ERC2: variants seen among roughly 807,000 people sequenced by gnomAD.
The protein encoded by ERC2 is ELKS/RAB6-interacting/CAST family member 2.
A neutral mutation model predicts 114.8 loss-of-function variants in ERC2; 42 were observed. That is an observed-to-expected ratio of 0.37 (90% CI 0.29 to 0.47). ERC2 has a LOEUF of 0.47. ERC2 is among the 20% of genes least tolerant of loss of function. ERC2 has a pLI of 0.99. For synonymous variants in ERC2, 454 were observed against 425.5 expected (o/e 1.07, Z -0.82); for missense variants, 939 against 1,150.7 (o/e 0.82, Z 2.66).
At chr3:55,714,030 T>G (rs2063936108) in intron 15 of ERC2, among the ~76,000 whole-genome samples, 1 of 152,234 alleles carries the variant, frequency 6.6e-6, no homozygotes, top group Non-Finnish European at 1.5e-5. Flanking sequence ...TATTCTCATT[T>G]CATAAGACAT....
intron 13 of ERC2, among the ~76,000 whole-genome samples, chr3:55,942,532 C>T (rs1457575403): frequency 6.6e-6 from 1 of 150,854 alleles, no homozygotes; most frequent in Non-Finnish European, 1.5e-5. Context: ...CTCCTGACCT[C>T]GTGATCCGCC....
At chr3:56,117,267 T>C (rs1048399621) in intron 6 of ERC2, among the ~76,000 whole-genome samples, 1 of 152,226 alleles carries the variant, frequency 6.6e-6, no homozygotes, top group Admixed American at 6.5e-5. Flanking sequence ...TAAATAATTC[T>C]AGTCATGTTT....
chr3:56,362,523 G>A (rs139555455), intron 2 of ERC2, among the ~76,000 whole-genome samples: 1 of 152,288 alleles, frequency 6.6e-6, no homozygotes, highest in Non-Finnish European at 1.5e-5. Context: ...AGAAGTAAAT[G>A]GGAGATAAAG....
chr3:55,540,970 T>C lies in ERC2; in HGVS notation c.*40-29694A>G, dbSNP rs72868698. 6.6e-3 allele frequency among the ~76,000 whole-genome samples: 997 copies of C among 152,024 alleles called. 12 individuals carry two copies. The highest frequency in any genetic ancestry group is 0.023 in the African/African-American group (949 of 41,468). Reference sequence around the variant, plus strand: ...TGGCTCCCACTCCCTATGAAGAAAGTGAGAGGTGCAGATGTGCAGGAGCCA... The same window carrying C: ...TGGCTCCCACTCCCTATGAAGAAAGCGAGAGGTGCAGATGTGCAGGAGCCA... On this transcript the variant is annotated intron_variant, in intron 17 of 17. Coordinates refer to ENST00000288221, the MANE Select transcript of ERC2 (RefSeq NM_015576.3).
rs150823963 is a variant in ERC2, at chr3:55,735,816, C to G, written c.2565-898G>C. On this transcript the variant is annotated intron_variant, in intron 14 of 17. Coordinates refer to ENST00000288221, the MANE Select transcript of ERC2 (RefSeq NM_015576.3). The stretch of plus-strand genomic sequence containing the variant: ...GCAGGCAGAGAAATTTACTGGAAAC[C>G]CTGTTCTATTTTCAATGCATTTAGT... Among the ~76,000 whole-genome samples the G allele has an allele frequency of 2.5e-3, 373 of 152,080 alleles. 2 individuals carry two copies. The highest frequency in any genetic ancestry group is 1.0e-2 in the South Asian group (48 of 4,810).
At chr3:56,358,729 T>C (rs2058836374) in intron 2 of ERC2, among the ~76,000 whole-genome samples, 1 of 152,256 alleles carries the variant, frequency 6.6e-6, no homozygotes, top group South Asian at 2.1e-4. Flanking sequence ...CTGTAGTCTC[T>C]CCAAGCCTTG....
chr3:56,008,171 C>T (rs1477314164), intron 9 of ERC2, among the ~76,000 whole-genome samples: 1 of 152,166 alleles, frequency 6.6e-6, no homozygotes, highest in African/African-American at 2.4e-5. Flanking sequence ...TGATCATTTG[C>T]ATCACCTAGG....
chr3:55,511,147 G>A lies in ERC2; in HGVS notation c.*169C>T, dbSNP rs2052037745. 2 of 152,586 alleles carry A rather than the reference G, an allele frequency of 1.3e-5. No homozygotes were observed. The allele number at this position is 152,586 out of a possible 1,614,324, so 9.5% of individuals were successfully genotyped here. A position where few individuals can be genotyped will look rare whatever the true frequency, so the allele number is the denominator to read the frequency against. On this transcript the variant is annotated 3_prime_UTR_variant, in exon 18 of 18. Transcript: ENST00000288221. ...AACAGAATCACGCTCAATAAGGTAA[G>A]TGAAAACTCCCCTTCAGTTCTGATG...
chr3:56,049,571 C>T (rs900428410), intron 7 of ERC2, among the ~76,000 whole-genome samples: 4 of 152,084 alleles, frequency 2.6e-5, no homozygotes, highest in Admixed American at 6.6e-5. Context: ...TTGGTGGATA[C>T]CACTAATCAG....
intron 17 of ERC2, among the ~76,000 whole-genome samples, chr3:55,568,504 G>A (rs972029094): frequency 2.0e-5 from 3 of 152,202 alleles, no homozygotes; most frequent in South Asian, 2.1e-4. Context: ...AAACTCTGGA[G>A]CCATCTTTGG....
At chr3:55,698,646 C>A (rs2063062364) in intron 16 of ERC2, among the ~76,000 whole-genome samples, 1 of 152,146 alleles carries the variant, frequency 6.6e-6, no homozygotes, top group Admixed American at 6.6e-5. Flanking sequence ...AGGCAGGAAT[C>A]TTAGTACAAC....
At position 56,010,489 on chromosome 3, in the gene ERC2, T is replaced by C. The variant is rs763386364; in HGVS notation, c.1880A>G (p.Glu627Gly). 6.8e-6 allele frequency: 11 copies of C among 1,613,544 alleles called. No individual in the cohort carries two copies. Among genetic ancestry groups the C allele is most frequent in the Non-Finnish European group, 9.3e-6 (11 of 1,179,708 alleles). The part of the protein sequence containing the change: ...SFRKENKDLK[E>G]KVNALQAELT... ...TTCAGCCTGTAAAGCATTGACCTTC[T>C]CTTTCAGGTCTTTGTTCTCTTTTCG... The change falls in exon 9 of 18, where the codon GAG becomes GGG. Residue 627 changes from glutamate (E) to glycine (G), a missense_variant. Physicochemically the swap from Glu to Gly is moderately conservative, Grantham distance 98. Around this residue, in one of 5 missense-constraint regions of ERC2, gnomAD observed 149 missense variants for 254.6 expected, o/e 0.59. Coordinates refer to ENST00000288221, the MANE Select transcript of ERC2 (RefSeq NM_015576.3).
intron 3 of ERC2, among the ~76,000 whole-genome samples, chr3:56,187,775 G>T (rs1335898433): frequency 6.6e-6 from 1 of 152,170 alleles, no homozygotes; most frequent in African/African-American, 2.4e-5. Flanking sequence ...AGAATGATGG[G>T]GGAGGGAATT....
chr3:55,894,259 G>A (rs1205060392), intron 13 of ERC2, among the ~76,000 whole-genome samples: 1 of 152,088 alleles, frequency 6.6e-6, no homozygotes, highest in Non-Finnish European at 1.5e-5. Flanking sequence ...CTTCATGAAA[G>A]AACCTAGACA....
chr3:56,065,398 T>C (rs1374254697), intron 7 of ERC2, among the ~76,000 whole-genome samples: 1 of 151,938 alleles, frequency 6.6e-6, no homozygotes. Context: ...AATTTTTTAA[T>C]TTTGTGTAGA....
chr3:55,895,634 T>G (rs1162394720), intron 13 of ERC2, among the ~76,000 whole-genome samples: 2 of 152,192 alleles, frequency 1.3e-5, no homozygotes, highest in Non-Finnish European at 2.9e-5. Context: ...GGGCAGAGAC[T>G]GTGTCTCCAT....
chr3:55,956,232 C>A (rs1469269025), intron 12 of ERC2, among the ~76,000 whole-genome samples: 1 of 152,192 alleles, frequency 6.6e-6, no homozygotes, highest in Non-Finnish European at 1.5e-5. Context: ...CACTTACACT[C>A]TCCTTAATAA....
intron 13 of ERC2, among the ~76,000 whole-genome samples, chr3:55,941,565 C>G: frequency 6.6e-6 from 1 of 152,186 alleles, no homozygotes; most frequent in Non-Finnish European, 1.5e-5. Flanking sequence ...CCTCAATAAA[C>G]TTCTTGCATG....
At position 55,889,958 on chromosome 3, in the gene ERC2, C is replaced by A. The variant is rs900444280; in HGVS notation, c.2404-1409G>T. Among the ~76,000 whole-genome samples the A allele has an allele frequency of 2.6e-5, 4 of 152,112 alleles. No individual in the cohort carries two copies. The South Asian group carries it at 8.3e-4, about 32-fold the overall frequency. ...AAGATTCAGAAAACCCTTCATTTTG[C>A]CCTGATAAAAAGAGGAAACTGAATG... is the stretch of plus-strand genomic sequence containing the variant. On this transcript the variant is annotated intron_variant, in intron 13 of 17. Transcript: ENST00000288221.
Sources: allele counts gnomAD v4.1 joint callset (sites outside exome capture counted in the v4.1 genomes callset), GRCh38; gene constraint gnomAD v4.1.1; regional missense constraint gnomAD v4.1.1; transcripts MANE v1.5; gene names NCBI Gene and HGNC (gene_info 2026-07-23, HGNC 2026-07-21).